The following USP43 variants were observed in gnomAD, a reference collection of about 807,000 sequenced individuals.
The protein encoded by USP43 is ubiquitin carboxyl-terminal hydrolase 43.
USP43 carries 33 observed loss-of-function variants against 90.7 expected under a neutral mutation model. The observed-to-expected ratio is 0.36, with a 90% CI of 0.28 to 0.49. USP43 has a LOEUF of 0.49. Ranked by LOEUF, USP43 falls within the 20% of genes least tolerant of loss-of-function variation. USP43 has a pLI of 0.98. For synonymous variants in USP43, 598 were observed against 615.8 expected, an observed-to-expected ratio of 0.97 and a Z score of 0.43; for missense variants, 1,274 against 1,476.4, an observed-to-expected ratio of 0.86 and a Z score of 2.25.
chr17:9,727,169 A>C (rs1375695875), intron 14 of USP43, among the ~76,000 whole-genome samples: 2 of 152,050 alleles, frequency 1.3e-5, no homozygotes, highest in Non-Finnish European at 2.9e-5. Context: ...ATGGGGTTTC[A>C]CCATGTTGGT....
At position 9,659,734 on chromosome 17, in the gene USP43, G is replaced by A. The variant is rs151208146; in HGVS notation, c.636+3200G>A. 4.0e-3 allele frequency among the ~76,000 whole-genome samples: 614 copies of A among 152,196 alleles called. 2 individuals carry two copies. The highest frequency in any genetic ancestry group is 0.014 in the African/African-American group (564 of 41,520). On this transcript the variant is annotated intron_variant, in intron 2 of 14. Transcript: ENST00000285199. Reference sequence around the variant, plus strand: ...GGGCTTAAGGGTGGAGAAGATCCCCGAGAGGTTAAGTAACTTGCCCCAAGT... The same window carrying A: ...GGGCTTAAGGGTGGAGAAGATCCCCAAGAGGTTAAGTAACTTGCCCCAAGT...
chr17:9,707,253 T>C (rs1321220707), intron 12 of USP43, among the ~76,000 whole-genome samples: 2 of 152,204 alleles, frequency 1.3e-5, no homozygotes, highest in Admixed American at 1.3e-4. Flanking sequence ...TGTACATACA[T>C]AGATTAAGAC....
chr17:9,645,742 G>A lies in USP43; in HGVS notation c.110G>A (p.Ser37Asn). 1 of 1,380,230 alleles carries A rather than the reference G, an allele frequency of 7.2e-7. No individual in the cohort carries two copies. Among genetic ancestry groups the A allele is most frequent in the South Asian group, 1.7e-5 (1 of 59,852 alleles). The allele number at this position is 1,380,230 out of a possible 1,614,324, so 85.5% of individuals were successfully genotyped here. A position where few individuals can be genotyped will look rare whatever the true frequency, so the allele number is the denominator to read the frequency against. ...AGCCGCTTCCTGCTGGCGCTGGGCA[G>A]CCGCTCACGCCCCGGGGACTCACCG... ...LFSRFLLALG[S>N]RSRPGDSPPR... Residue 37 changes from serine (S) to asparagine (N), a missense_variant, in exon 1 of 15, where the codon AGC becomes AAC. By Grantham distance (46) the Ser-to-Asn change is conservative (BLOSUM62 1). This residue lies in a region of USP43 where 112 missense variants were observed against 106.6 expected (regional missense o/e 1.05). Transcript: ENST00000285199. The surrounding 1 kb of genome is among the most constrained non-coding windows in gnomAD (Gnocchi z 6.8).
intron 2 of USP43, among the ~76,000 whole-genome samples, chr17:9,657,259 C>T (rs1912324475): frequency 6.6e-6 from 1 of 152,124 alleles, no homozygotes; most frequent in African/African-American, 2.4e-5. Flanking sequence ...GTAATCCCAG[C>T]ACTTTGGAAG....
At chr17:9,703,358 A>G (rs1915685165) in intron 12 of USP43, among the ~76,000 whole-genome samples, 1 of 152,224 alleles carries the variant, frequency 6.6e-6, no homozygotes, top group Non-Finnish European at 1.5e-5. Context: ...GTAAAACCAC[A>G]GCAGGGAGTT....
chr17:9,657,052 T>G (rs146475754), intron 2 of USP43, among the ~76,000 whole-genome samples: 17 of 152,338 alleles, frequency 1.1e-4, no homozygotes, highest in African/African-American at 3.4e-4. Flanking sequence ...CAATCATTTG[T>G]CATAAGCACA....
intron 7 of USP43, among the ~76,000 whole-genome samples, chr17:9,683,904 G>A (rs961070638): frequency 1.3e-5 from 2 of 152,128 alleles, no homozygotes; most frequent in Non-Finnish European, 2.9e-5. Context: ...AAAGATGGCC[G>A]AGGTGGGTGG....
intron 7 of USP43, among the ~76,000 whole-genome samples, chr17:9,684,698 G>A (rs1056494772): frequency 2.0e-5 from 3 of 150,148 alleles, no homozygotes; most frequent in African/African-American, 7.5e-5. Context: ...GGGAGGCGGA[G>A]GTTGCGGTGA....
intron 14 of USP43, among the ~76,000 whole-genome samples, chr17:9,721,643 C>A (rs934101959): frequency 7.9e-5 from 12 of 151,804 alleles, no homozygotes; most frequent in African/African-American, 2.9e-4. Context: ...CTATTCAAGT[C>A]CCCTATGTCT....
chr17:9,672,371 A>G (rs1419731123), intron 3 of USP43, among the ~76,000 whole-genome samples: 1 of 152,160 alleles, frequency 6.6e-6, no homozygotes, highest in East Asian at 1.9e-4. Flanking sequence ...TTGCTAGCTG[A>G]TAGGAGTTGG....
chr17:9,652,270 C>T (rs1321778683), intron 1 of USP43, among the ~76,000 whole-genome samples: 1 of 146,550 alleles, frequency 6.8e-6, no homozygotes, highest in Admixed American at 6.8e-5. Flanking sequence ...AGATAAGTAA[C>T]CAAATATTAC....
chr17:9,717,516 G>GA (rs1916658843), intron 14 of USP43, among the ~76,000 whole-genome samples: 2 of 152,120 alleles, frequency 1.3e-5, no homozygotes, highest in East Asian at 1.9e-4. Flanking sequence ...ATGTTGATGA[G>GA]AAAAAATAGT....
intron 3 of USP43, among the ~76,000 whole-genome samples, chr17:9,667,398 A>G (rs1913106653): frequency 6.6e-6 from 1 of 152,224 alleles, no homozygotes; most frequent in South Asian, 2.1e-4. Context: ...TCTCAAAAAA[A>G]AAGTAAATAA....
At chr17:9,653,759 C>A (rs747420999) in intron 1 of USP43, among the ~76,000 whole-genome samples, 1 of 152,050 alleles carries the variant, frequency 6.6e-6, no homozygotes, top group South Asian at 2.1e-4. Flanking sequence ...GAGTAAGGAA[C>A]GATTTGGAGT....
chr17:9,726,839 A>G (rs367987250), intron 14 of USP43, among the ~76,000 whole-genome samples: 20 of 152,252 alleles, frequency 1.3e-4, no homozygotes, highest in African/African-American at 4.8e-4. Context: ...TCCTTGCGCC[A>G]TGTAGGTTGT....
chr17:9,685,669 A>G (rs11657514), intron 7 of USP43, among the ~76,000 whole-genome samples: 5 of 152,192 alleles, frequency 3.3e-5, no homozygotes, highest in Non-Finnish European at 7.4e-5. Flanking sequence ...TTTAAAAAGC[A>G]TTTACATTAT....
At position 9,701,334 on chromosome 17, in the gene USP43, G is replaced by C; in HGVS notation, c.1663-18G>C. 1 of 1,589,250 alleles carries C rather than the reference G, an allele frequency of 6.3e-7. No homozygotes were observed. The highest frequency in any genetic ancestry group is 8.6e-7 in the Non-Finnish European group (1 of 1,167,582). ...ACGTGCTGCGGGGGCCTCACAGTCC[G>C]GGTGGTTTGCTTTCCAGCTGGCCCA... is the stretch of plus-strand genomic sequence containing the variant. On this transcript the variant is annotated intron_variant, in intron 11 of 14. Transcript: ENST00000285199. This position sits in a 1 kb window ranked among gnomAD's most constrained non-coding sequence, Gnocchi z 7.2.
At chr17:9,664,018 AC>A (rs1390701653) in intron 2 of USP43, among the ~76,000 whole-genome samples, 1 of 152,062 alleles carries the variant, frequency 6.6e-6, no homozygotes, top group Non-Finnish European at 1.5e-5. Context: ...GTGGCACCAG[AC>A]TCACTTTCCA....
chr17:9,699,345 TC>T (rs1915443745), intron 9 of USP43, among the ~76,000 whole-genome samples: 1 of 152,208 alleles, frequency 6.6e-6, no homozygotes, highest in African/African-American at 2.4e-5. Flanking sequence ...CACGCCTTGT[TC>T]CTCACTCCCT....
Sources: gnomAD v4.1 joint callset for allele counts (sites outside exome capture counted in the v4.1 genomes callset) on GRCh38, gnomAD v4.1.1 for gene constraint, gnomAD v4.1.1 regional missense constraint, Gnocchi (gnomAD v3.1) non-coding constraint, MANE v1.5 for transcripts, NCBI Gene and HGNC (gene_info 2026-07-23, HGNC 2026-07-21) for gene names.